The following PTK2B variants were observed in gnomAD, a reference collection of about 807,000 sequenced individuals.
The protein encoded by PTK2B is protein tyrosine kinase 2 beta.
In PTK2B, 71 loss-of-function variants were observed where a neutral mutation model predicts 142.9. The observed-to-expected ratio is 0.50, with a 90% confidence interval of 0.41 to 0.61. The LOEUF is 0.61. Among genes scored for constraint, PTK2B ranks in the 20% least tolerant of loss-of-function variants. PTK2B has a pLI of 0.00. For missense variants in PTK2B, 1,105 were observed against 1,320.4 expected, an observed-to-expected ratio of 0.84 and a Z score of 2.53; for synonymous variants, 519 against 503.4, an observed-to-expected ratio of 1.03 and a Z score of -0.42.
chr8:27,313,493 A>G (rs1303447576), intron 3 of PTK2B, among the ~76,000 whole-genome samples: 1 of 152,206 alleles, frequency 6.6e-6, no homozygotes, highest in Non-Finnish European at 1.5e-5. Context: ...AACTTGAGGG[A>G]CAAGTGTGGC....
chr8:27,430,931 GGGA>G lies in PTK2B; in HGVS notation c.733_735del (p.Glu245del). The G allele has an allele frequency of 6.2e-7, 1 of 1,614,200 alleles. No individual in the cohort carries two copies. Among genetic ancestry groups the G allele is most frequent in the Non-Finnish European group, 8.5e-7 (1 of 1,180,028 alleles). ...ACCTTCCAGCAGTACGCCTCGCTCA[GGGA>G]GGAGGAGTGCGTCATGAAGTTCTTC... is the stretch of plus-strand genomic sequence containing the variant. On this transcript the variant is annotated inframe_deletion, in exon 8 of 31. Coordinates refer to ENST00000346049, the MANE Select transcript of PTK2B (RefSeq NM_173176.3).
chr8:27,367,309 G>GTGGC (rs1442454470), intron 1 of PTK2B, among the ~76,000 whole-genome samples: 2 of 152,220 alleles, frequency 1.3e-5, no homozygotes, highest in Admixed American at 1.3e-4. Context: ...TGTGGGCATG[G>GTGGC]TGGCAGCTGG....
Position 27,441,803 on chromosome 8 carries a change from G to A in PTK2B, c.2040-1072G>A, listed in dbSNP as rs562402735. ...TAATTTGGGAGGTTAAAAGCCCTGGGGGGATGGAGCTGGGAGTCCTGATTC... is the reference window on the plus strand; with the variant it reads ...TAATTTGGGAGGTTAAAAGCCCTGGAGGGATGGAGCTGGGAGTCCTGATTC... On this transcript the variant is annotated intron_variant, in intron 21 of 30. Coordinates refer to ENST00000346049, the MANE Select transcript of PTK2B (RefSeq NM_173176.3). 7.4e-4 allele frequency among the ~76,000 whole-genome samples: 112 copies of A among 152,338 alleles called. 1 individual carries two copies. The highest frequency in any genetic ancestry group is 1.4e-3 in the Non-Finnish European group (95 of 68,028).
At chr8:27,377,791 G>A (rs1806763036) in intron 1 of PTK2B, among the ~76,000 whole-genome samples, 1 of 152,172 alleles carries the variant, frequency 6.6e-6, no homozygotes, top group Non-Finnish European at 1.5e-5. Context: ...TAGCTGGAAG[G>A]AGCCTCCCCC....
At chr8:27,386,779 A>G (rs1807386472) in intron 1 of PTK2B, among the ~76,000 whole-genome samples, 1 of 152,140 alleles carries the variant, frequency 6.6e-6, no homozygotes, top group Non-Finnish European at 1.5e-5. Flanking sequence ...AGCTTGTTCA[A>G]GACAATGGTT....
At chr8:27,328,098 T>G (rs1415985369) in intron 1 of PTK2B, among the ~76,000 whole-genome samples, 1 of 152,214 alleles carries the variant, frequency 6.6e-6, no homozygotes, top group Non-Finnish European at 1.5e-5. Flanking sequence ...TTTTTAGCTT[T>G]GCTACTCCCT....
chr8:27,311,379 T>G, upstream of PTK2B: 2 of 1,084,642 alleles, frequency 1.8e-6, no homozygotes, highest in South Asian at 1.7e-5. Context: ...TGGCCAATCG[T>G]GCGGGGGGGA....
At chr8:27,377,519 T>A (rs1806744444) in intron 1 of PTK2B, among the ~76,000 whole-genome samples, 1 of 152,168 alleles carries the variant, frequency 6.6e-6, no homozygotes. Flanking sequence ...CTGGCATCCT[T>A]CTTTGGCTGC....
intron 14 of PTK2B, 129 bp from the exon 15 acceptor site, chr8:27,436,122 C>G: frequency 1.1e-6 from 1 of 889,760 alleles, no homozygotes; most frequent in Non-Finnish European, 1.8e-6. Context: ...TTCCCCAGCC[C>G]AGTCCCTGGA....
chr8:27,328,067 G>A (rs1383512735), intron 1 of PTK2B, among the ~76,000 whole-genome samples: 1 of 152,174 alleles, frequency 6.6e-6, no homozygotes, highest in Non-Finnish European at 1.5e-5. Flanking sequence ...CCCTTGGGTT[G>A]GGGACAGAGT....
rs141726800 is a variant in PTK2B at position 27,444,234 on chromosome 8, C to T, written c.2177C>T (p.Pro726Leu). ...AGCCGACCTAAGTACAGACCCCCTCCGCAAACCAACCTCCTGGCTCCAAAG... is the reference window on the plus strand; with the variant it reads ...AGCCGACCTAAGTACAGACCCCCTCTGCAAACCAACCTCCTGGCTCCAAAG... ...KPSRPKYRPP[P>L]QTNLLAPKLQ... The change falls in exon 23 of 31, where the codon CCG becomes CTG. Residue 726 changes from proline (P) to leucine (L), a missense_variant. Pro to Leu is a moderately conservative substitution (Grantham distance 98, BLOSUM62 -3). Coordinates refer to ENST00000346049, the MANE Select transcript of PTK2B (RefSeq NM_173176.3). 4.2e-5 allele frequency: 68 copies of T among 1,613,936 alleles called. No homozygotes were observed. The highest frequency in any genetic ancestry group is 1.7e-4 in the Middle Eastern group (1 of 6,060).
intron 5 of PTK2B, among the ~76,000 whole-genome samples, chr8:27,426,044 T>C (rs1030574143): frequency 2.0e-5 from 3 of 152,070 alleles, no homozygotes; most frequent in South Asian, 2.1e-4. Flanking sequence ...CCTAGGACCA[T>C]TGTCCACCCC....
intron 2 of PTK2B, among the ~76,000 whole-genome samples, chr8:27,409,646 A>T (rs766875681): frequency 3.9e-5 from 6 of 152,186 alleles, no homozygotes; most frequent in Non-Finnish European, 5.9e-5. Flanking sequence ...AACCAATGAG[A>T]GATTTTCCAC....
intron 1 of PTK2B, among the ~76,000 whole-genome samples, chr8:27,335,695 AG>A (rs1804018916): frequency 6.6e-6 from 1 of 151,932 alleles, no homozygotes; most frequent in Admixed American, 6.6e-5. Context: ...TCCCTGGAAG[AG>A]GGCACAGGAG....
intron 1 of PTK2B, among the ~76,000 whole-genome samples, chr8:27,379,308 C>T (rs1191844462): frequency 6.6e-6 from 1 of 152,220 alleles, no homozygotes; most frequent in East Asian, 1.9e-4. Context: ...ATGGCACAGT[C>T]ATAGCTCACT....
At chr8:27,429,156 C>T (rs559796470) in intron 5 of PTK2B, among the ~76,000 whole-genome samples, 105 of 152,304 alleles carry the variant, frequency 6.9e-4, no homozygotes, top group Non-Finnish European at 1.2e-3. Flanking sequence ...TTGCCCACCT[C>T]GGCCTCCCTA....
chr8:27,441,774 G>A (rs988593294), intron 21 of PTK2B, among the ~76,000 whole-genome samples: 8 of 152,226 alleles, frequency 5.3e-5, no homozygotes, highest in African/African-American at 1.7e-4. Flanking sequence ...GTATTTGAAG[G>A]ATGTAATTTG....
At chr8:27,453,293 G>A in intron 28 of PTK2B, 133 bp downstream of exon 28, 1 of 1,236,264 alleles carries the variant, frequency 8.1e-7, no homozygotes, top group Non-Finnish European at 1.1e-6. Flanking sequence ...ATGAAGCCCG[G>A]GGTTAGGGGG....
At chr8:27,436,169 C>T in intron 14 of PTK2B, 82 bp from the exon 15 acceptor site, 3 of 1,364,714 alleles carry the variant, frequency 2.2e-6, no homozygotes, top group South Asian at 1.2e-5. Context: ...TGACGCCTGG[C>T]TTTAGAGCCT....
Sources: gnomAD v4.1 joint callset for allele counts (sites outside exome capture counted in the v4.1 genomes callset) on GRCh38, gnomAD v4.1.1 for gene constraint, MANE v1.5 for transcripts, NCBI Gene and HGNC (gene_info 2026-07-23, HGNC 2026-07-21) for gene names.